The following SCAPER variants were observed in gnomAD, a reference collection of about 807,000 sequenced individuals.
The protein encoded by SCAPER is S phase cyclin A-associated protein in the endoplasmic reticulum.
A neutral mutation model predicts 182.2 loss-of-function variants in SCAPER; 98 were observed. The observed-to-expected ratio is 0.54, with a 90% CI of 0.46 to 0.64. The LOEUF is 0.64. SCAPER is among the 30% of genes least tolerant of loss of function. The pLI, the probability that SCAPER is intolerant of heterozygous loss-of-function variation, is 0.00. For synonymous variants in SCAPER, 605 were observed against 564.6 expected, an observed-to-expected ratio of 1.07 and a Z score of -1.01; for missense variants, 1,432 against 1,690.0, an observed-to-expected ratio of 0.85 and a Z score of 2.68.
intron 22 of SCAPER, among the ~76,000 whole-genome samples, chr15:76,591,880 C>G (rs1421486507): frequency 6.6e-6 from 1 of 152,048 alleles, no homozygotes; most frequent in African/African-American, 2.4e-5. Flanking sequence ...GGCAACATGG[C>G]AAAACCCCAT....
At chr15:76,491,638 T>C (rs1286916560) in intron 24 of SCAPER, among the ~76,000 whole-genome samples, 1 of 152,126 alleles carries the variant, frequency 6.6e-6, no homozygotes, top group Non-Finnish European at 1.5e-5. Flanking sequence ...TTTGTTTTTT[T>C]GTTTTCTGTT....
intron 26 of SCAPER, among the ~76,000 whole-genome samples, chr15:76,426,793 G>A (rs190722570): frequency 6.6e-6 from 1 of 152,204 alleles, no homozygotes; most frequent in Non-Finnish European, 1.5e-5. Flanking sequence ...AAAGCTGGAG[G>A]CATCATATTA....
chr15:76,681,191 T>C (rs568643647), intron 20 of SCAPER, among the ~76,000 whole-genome samples: 4 of 152,322 alleles, frequency 2.6e-5, no homozygotes, highest in Admixed American at 6.5e-5. Flanking sequence ...TCTACTGTAA[T>C]ACACATTTCT....
Position 76,767,002 on chromosome 15 carries a change from A to G in SCAPER, c.1335T>C (p.Ala445=), listed in dbSNP as rs1426135415. The G allele has an allele frequency of 6.2e-7, 1 of 1,607,550 alleles. No homozygotes were observed. The highest frequency in any genetic ancestry group is 8.5e-7 in the Non-Finnish European group (1 of 1,176,436). The stretch of plus-strand genomic sequence containing the variant: ...TTTCTCTAGTTAACTGTTCTTCTTC[A>G]GCAATAGCACTAGCAATGGCTTCTT... ...ANEEAIASAI[A]EEEQLTREIE... The change falls in exon 11 of 32, where the codon GCT becomes GCC. Residue 445 remains alanine (A), a synonymous_variant. Coordinates refer to ENST00000563290, the MANE Select transcript of SCAPER (RefSeq NM_020843.4).
At chr15:76,779,079 C>A (rs573934133) in intron 8 of SCAPER, among the ~76,000 whole-genome samples, 1 of 151,820 alleles carries the variant, frequency 6.6e-6, no homozygotes, top group Non-Finnish European at 1.5e-5. Context: ...CCTAAATGTA[C>A]AAATACCAAA....
At chr15:76,590,390 A>G (rs1415647814) in intron 22 of SCAPER, among the ~76,000 whole-genome samples, 3 of 152,184 alleles carry the variant, frequency 2.0e-5, no homozygotes, top group Non-Finnish European at 4.4e-5. Context: ...AGAGAATGTC[A>G]TAACTGTTGG....
chr15:76,478,039 T>C (rs940843476), intron 24 of SCAPER, among the ~76,000 whole-genome samples: 3 of 151,996 alleles, frequency 2.0e-5, no homozygotes, highest in African/African-American at 7.2e-5. Context: ...CTGTCAGACT[T>C]AGAAAGGCCA....
At chr15:76,750,281 G>A (rs571844638) in intron 15 of SCAPER, among the ~76,000 whole-genome samples, 36 of 151,838 alleles carry the variant, frequency 2.4e-4, no homozygotes, top group African/African-American at 8.7e-4. Flanking sequence ...CAACTAGTAA[G>A]GACATTGATC....
At chr15:76,790,385 A>C (rs1378943556) in intron 8 of SCAPER, among the ~76,000 whole-genome samples, 1 of 152,202 alleles carries the variant, frequency 6.6e-6, no homozygotes, top group African/African-American at 2.4e-5. Context: ...TTTTTACCTT[A>C]AAAGTTTGGA....
At chr15:76,374,303 C>A (rs950340121) in intron 29 of SCAPER, among the ~76,000 whole-genome samples, 3 of 151,726 alleles carry the variant, frequency 2.0e-5, no homozygotes, top group African/African-American at 7.2e-5. Context: ...ACAGGACAAT[C>A]ACTTGAACCG....
rs536558502 is a variant in SCAPER at position 76,473,174 on chromosome 15, A to T, written c.2955-1839T>A. Among the ~76,000 whole-genome samples the T allele has an allele frequency of 7.2e-5, 11 of 152,228 alleles. No homozygotes were observed. The South Asian group carries it at 2.1e-3, about 29-fold the overall frequency. On this transcript the variant is annotated intron_variant, in intron 24 of 31. Transcript: ENST00000563290. ...TGCTAAAGTTGAAATGTCAACCCTC[A>T]CTCTAAACTCTCCCTGTTCAGGGCA...
intron 14 of SCAPER, among the ~76,000 whole-genome samples, chr15:76,759,877 G>A (rs1477570229): frequency 6.6e-6 from 1 of 152,058 alleles, no homozygotes; most frequent in African/African-American, 2.4e-5. Flanking sequence ...TTTTAAAGAG[G>A]ATTTCTGCAT....
At chr15:76,509,260 C>T (rs542740244) in intron 23 of SCAPER, among the ~76,000 whole-genome samples, 1 of 152,190 alleles carries the variant, frequency 6.6e-6, no homozygotes, top group South Asian at 2.1e-4. Context: ...TAGATTATCC[C>T]CTCTTCTTCA....
intron 8 of SCAPER, among the ~76,000 whole-genome samples, chr15:76,776,070 G>T (rs536707976): frequency 6.6e-6 from 1 of 152,250 alleles, no homozygotes; most frequent in South Asian, 2.1e-4. Flanking sequence ...GACTCTGAGA[G>T]ATAGACTACA....
At chr15:76,881,062 C>T (rs979561247) in intron 2 of SCAPER, among the ~76,000 whole-genome samples, 4 of 151,958 alleles carry the variant, frequency 2.6e-5, no homozygotes, top group African/African-American at 7.3e-5. Flanking sequence ...GTTACGTACC[C>T]GAAATAACTG....
chr15:76,880,104 T>C (rs1346325056), intron 2 of SCAPER, among the ~76,000 whole-genome samples: 1 of 152,244 alleles, frequency 6.6e-6, no homozygotes, highest in Non-Finnish European at 1.5e-5. Flanking sequence ...CAAATTCTTT[T>C]TGGTTTTATT....
intron 5 of SCAPER, among the ~76,000 whole-genome samples, chr15:76,821,143 TA>T (rs1339876216): frequency 1.3e-5 from 2 of 152,226 alleles, no homozygotes; most frequent in Non-Finnish European, 2.9e-5. Context: ...CAAAGCCATT[TA>T]AAAACTTACA....
chr15:76,646,241 A>C (rs1244373867), intron 21 of SCAPER, among the ~76,000 whole-genome samples: 1 of 152,004 alleles, frequency 6.6e-6, no homozygotes, highest in African/African-American at 2.4e-5. Context: ...CTAAGGGTTA[A>C]CTCTGAATGT....
chr15:76,404,101 C>A (rs528823402), intron 27 of SCAPER, among the ~76,000 whole-genome samples: 9 of 152,308 alleles, frequency 5.9e-5, no homozygotes, highest in African/African-American at 2.2e-4. Context: ...GGAAAATAAA[C>A]CTAGCAGCCT....
Sources: allele counts gnomAD v4.1 joint callset (sites outside exome capture counted in the v4.1 genomes callset), GRCh38; gene constraint gnomAD v4.1.1; transcripts MANE v1.5; gene names NCBI Gene and HGNC (gene_info 2026-07-23, HGNC 2026-07-21).